Variants in METTL8 observed in about 807,000 individuals in gnomAD.
The protein encoded by METTL8 is tRNA N(3)-cytidine methyltransferase METTL8, mitochondrial.
Under a neutral mutation model 48.7 loss-of-function variants are expected in METTL8, and 32 were observed. The observed-to-expected ratio is 0.66, with a 90% CI of 0.50 to 0.88. The LOEUF is 0.88. Ranked by LOEUF, METTL8 falls within the 40% of genes least tolerant of loss-of-function variation. METTL8 has a pLI of 0.00. For synonymous variants in METTL8, 136 were observed against 157.1 expected, an observed-to-expected ratio of 0.87 and a Z score of 1.01; for missense variants, 464 against 474.4, an observed-to-expected ratio of 0.98 and a Z score of 0.20.
intron 1 of METTL8, among the ~76,000 whole-genome samples, chr2:171,400,230 C>T (rs1025840309): frequency 6.6e-6 from 1 of 152,048 alleles, no homozygotes; most frequent in African/African-American, 2.4e-5. Context: ...GATTCAATTC[C>T]AGTCCAAGCA....
chr2:171,339,748 TG>T, intron 3 of METTL8, among the ~76,000 whole-genome samples, 194 bp from the exon 4 acceptor site: 1 of 152,310 alleles, frequency 6.6e-6, no homozygotes, highest in Middle Eastern at 3.4e-3. Context: ...TCTCTCAAAA[TG>T]TGTCAAAATG....
intron 1 of METTL8, chr2:171,433,289 T>C (rs562494018): frequency 6.7e-6 from 1 of 148,460 alleles, no homozygotes; most frequent in Admixed American, 6.6e-5. Context: ...CGGTAGGAAA[T>C]TATTATTTTT....
intron 1 of METTL8, chr2:171,433,037 A>G (rs1693275519): frequency 6.6e-6 from 1 of 152,256 alleles, no homozygotes; most frequent in Admixed American, 6.5e-5. Flanking sequence ...TAATTATTCC[A>G]GTTCAGGGTC....
intron 7 of METTL8, among the ~76,000 whole-genome samples, chr2:171,329,837 T>C (rs1685339476): frequency 6.6e-6 from 1 of 152,202 alleles, no homozygotes; most frequent in Admixed American, 6.5e-5. Context: ...GAACCCAATT[T>C]TAAGAAACCT....
intron 2 of METTL8, 98 bp downstream of exon 2, chr2:171,391,945 A>T (rs956178743): frequency 8.0e-7 from 1 of 1,250,964 alleles, no homozygotes; most frequent in Non-Finnish European, 1.1e-6. Context: ...GAGTTAGGTC[A>T]TCAGCTTTAA....
In METTL8 at chr2:171,339,472, C is replaced by T; in HGVS notation, c.318G>A (p.Trp106Ter). 6.2e-7 allele frequency: 1 copy of T among 1,613,402 alleles called. No individual in the cohort carries two copies. The highest frequency in any genetic ancestry group is 8.5e-7 in the Non-Finnish European group (1 of 1,179,604). The change falls in exon 4 of 10, where the codon TGG becomes TGA. Residue 106 changes from tryptophan (W) to a stop codon, truncating the protein, a stop_gained. Coordinates refer to ENST00000375258, the MANE Select transcript of METTL8 (RefSeq NM_001321154.2). LOFTEE classifies it high-confidence loss of function. ...GAATTTCAGGAAATTCCCTCAACAGCCAATTACGATCCTTGAAAAACTTAT... is the reference window on the plus strand; with the variant it reads ...GAATTTCAGGAAATTCCCTCAACAGTCAATTACGATCCTTGAAAAACTTAT... Reference protein sequence around the residue: ...HKNKFFKDRNWLLREFPEILP... With the variant: ...HKNKFFKDRN
At chr2:171,386,859 C>A (rs1239202601) in intron 2 of METTL8, among the ~76,000 whole-genome samples, 3 of 152,126 alleles carry the variant, frequency 2.0e-5, no homozygotes, top group African/African-American at 7.2e-5. Context: ...AGCAGGCAGA[C>A]ACACAGGTGG....
At chr2:171,434,604 G>T, upstream of METTL8, 4 of 1,528,262 alleles carry the variant, frequency 2.6e-6, no homozygotes, top group Non-Finnish European at 3.5e-6. Context: ...AGCCCAACGT[G>T]TGCAGCCGGC....
Position 171,408,745 on chromosome 2 carries a change from T to G in METTL8, c.-12-16548A>C, listed in dbSNP as rs138101338. On this transcript the variant is annotated intron_variant, in intron 1 of 9. Transcript: ENST00000375258. Reference sequence around the variant, plus strand: ...CTGCCACTTACTACCACAGGCTGTATCACTACCAGAGGTTGTCTTAGTTTT... The same window carrying G: ...CTGCCACTTACTACCACAGGCTGTAGCACTACCAGAGGTTGTCTTAGTTTT... 1.4e-3 allele frequency among the ~76,000 whole-genome samples: 213 copies of G among 152,306 alleles called. 4 individuals are homozygous for G. The East Asian group carries it at 0.015, about 10-fold the overall frequency.
chr2:171,390,398 A>G (rs1036376402), intron 2 of METTL8, among the ~76,000 whole-genome samples: 4 of 152,254 alleles, frequency 2.6e-5, no homozygotes, highest in African/African-American at 9.6e-5. Flanking sequence ...TTTAAGAACT[A>G]CATTTCGTAA....
chr2:171,325,807 A>T, intron 9 of METTL8, 34 bp downstream of exon 9: 1 of 1,284,492 alleles, frequency 7.8e-7, no homozygotes, highest in Non-Finnish European at 1.1e-6. Flanking sequence ...AAGAACGATT[A>T]TGACCAATTA....
At chr2:171,341,111 C>CT (rs1686704612) in intron 3 of METTL8, among the ~76,000 whole-genome samples, 1 of 151,828 alleles carries the variant, frequency 6.6e-6, no homozygotes, top group African/African-American at 2.4e-5. Flanking sequence ...GGGCGGATCA[C>CT]GAGGTCAGGA....
At chr2:171,365,198 G>A (rs1475337629) in intron 2 of METTL8, among the ~76,000 whole-genome samples, 7 of 152,088 alleles carry the variant, frequency 4.6e-5, no homozygotes, top group Non-Finnish European at 1.5e-5. Context: ...GTTGCTCGGG[G>A]AAATAATACT....
intron 1 of METTL8, among the ~76,000 whole-genome samples, chr2:171,431,379 A>G (rs1156658182): frequency 6.6e-6 from 1 of 152,186 alleles, no homozygotes; most frequent in Admixed American, 6.5e-5. Context: ...GGCAACCAGC[A>G]ACCTGCTTTC....
rs567171842 is a variant in METTL8, at chr2:171,393,028, CAGGA to C, written c.-12-835_-12-832del. On this transcript the variant is annotated intron_variant, in intron 1 of 9. Transcript: ENST00000375258. ...CTGAGGCAAGAGAATCGCTTGAACC[CAGGA>C]GGCGGAGATTGCAGTGAGCCGAGAT... Among the ~76,000 whole-genome samples, 631 of 152,092 alleles carry C rather than the reference CAGGA, an allele frequency of 4.1e-3. 3 individuals are homozygous for C. The highest frequency in any genetic ancestry group is 6.4e-3 in the Non-Finnish European group (438 of 67,994).
intron 7 of METTL8, among the ~76,000 whole-genome samples, chr2:171,327,751 G>T (rs138659343): frequency 2.0e-5 from 3 of 152,034 alleles, no homozygotes; most frequent in Non-Finnish European, 2.9e-5. Flanking sequence ...AAAAAGAAAC[G>T]TATTTTTTGT....
intron 3 of METTL8, among the ~76,000 whole-genome samples, chr2:171,353,787 C>G (rs1043754834): frequency 5.3e-5 from 8 of 151,848 alleles, no homozygotes; most frequent in Non-Finnish European, 8.8e-5. Context: ...GCAACCCCTG[C>G]TTTTTTTTGT....
chr2:171,368,445 T>C (rs933413796), intron 2 of METTL8, among the ~76,000 whole-genome samples: 1 of 152,176 alleles, frequency 6.6e-6, no homozygotes, highest in African/African-American at 2.4e-5. Flanking sequence ...AAAAACAAAT[T>C]ACAGTATGTG....
At chr2:171,393,362 C>T (rs1025834383) in intron 1 of METTL8, among the ~76,000 whole-genome samples, 1 of 129,694 alleles carries the variant, frequency 7.7e-6, no homozygotes, top group African/African-American at 2.9e-5. Flanking sequence ...CATGCCACTG[C>T]ATTCCAGCCT....
Sources: gnomAD v4.1 joint callset for allele counts (sites outside exome capture counted in the v4.1 genomes callset) on GRCh38, gnomAD v4.1.1 for gene constraint, MANE v1.5 for transcripts, NCBI Gene and HGNC (gene_info 2026-07-23, HGNC 2026-07-21) for gene names.